AIG1: variants seen among roughly 807,000 people sequenced by gnomAD.
AIG1 encodes the protein androgen-induced gene 1 protein.
A neutral mutation model predicts 31.4 loss-of-function variants in AIG1; 23 were observed. The ratio of observed to expected loss-of-function variants is 0.73; its 90% confidence interval spans 0.53 to 1.04. The LOEUF (loss-of-function observed/expected upper bound fraction) is 1.04, where lower values mean the gene tolerates loss of function less well. Among genes scored for constraint, AIG1 ranks in the 50% least tolerant of loss-of-function variants. The pLI, the probability that AIG1 is intolerant of heterozygous loss-of-function variation, is 0.00. For synonymous variants in AIG1, 100 were observed against 110.5 expected (o/e 0.90, Z 0.60); for missense variants, 274 against 295.0 (o/e 0.93, Z 0.52).
chr6:143,342,049 C>T (rs1184760143), downstream of AIG1, among the ~76,000 whole-genome samples: 1 of 152,216 alleles, frequency 6.6e-6, no homozygotes, highest in Non-Finnish European at 1.5e-5. Flanking sequence ...CCTCAACCTC[C>T]CAAGTAGCTG....
intron 1 of AIG1, among the ~76,000 whole-genome samples, chr6:143,108,941 A>G (rs1211883497): frequency 2.0e-5 from 3 of 152,130 alleles, no homozygotes; most frequent in African/African-American, 7.2e-5. Context: ...AACATATCAA[A>G]CATCACCAAT....
chr6:143,191,160 C>T (rs926284519), intron 3 of AIG1, among the ~76,000 whole-genome samples: 3 of 152,074 alleles, frequency 2.0e-5, no homozygotes, highest in Admixed American at 6.5e-5. Context: ...AAGAGACAAA[C>T]CTGAGTTAAT....
intron 3 of AIG1, among the ~76,000 whole-genome samples, chr6:143,261,839 A>G (rs1795799978): frequency 6.6e-6 from 1 of 152,244 alleles, no homozygotes; most frequent in Non-Finnish European, 1.5e-5. Flanking sequence ...CTTTGCAGTG[A>G]TTTAGGGAAC....
chr6:143,187,785 C>T, intron 3 of AIG1: 1 of 1,505,756 alleles, frequency 6.6e-7, no homozygotes, highest in Non-Finnish European at 8.8e-7. Context: ...TTGGAAATGA[C>T]CTTGAAGCGA....
chr6:143,064,127 A>G (rs1259009055), intron 1 of AIG1, among the ~76,000 whole-genome samples: 1 of 152,260 alleles, frequency 6.6e-6, no homozygotes, highest in African/African-American at 2.4e-5. Context: ...TTCTCATGCC[A>G]GGAACCTGTG....
chr6:143,146,200 A>G (rs944459692), intron 2 of AIG1, among the ~76,000 whole-genome samples: 6 of 151,460 alleles, frequency 4.0e-5, no homozygotes, highest in African/African-American at 9.7e-5. Context: ...CTCTCTGGGG[A>G]AAAAAAAATC....
chr6:143,135,678 G>A (rs943532218), intron 1 of AIG1, among the ~76,000 whole-genome samples: 2 of 152,150 alleles, frequency 1.3e-5, no homozygotes, highest in Non-Finnish European at 2.9e-5. Flanking sequence ...CTGTGTTCTA[G>A]TGCTATGCTA....
chr6:143,247,010 C>T (rs1794664236), intron 3 of AIG1, among the ~76,000 whole-genome samples: 1 of 152,188 alleles, frequency 6.6e-6, no homozygotes, highest in South Asian at 2.1e-4. Context: ...CTGGAAGGGG[C>T]TCAGATGTGC....
At position 143,333,218 on chromosome 6, in the gene AIG1, A is replaced by G. The variant is rs1777216729; in HGVS notation, c.516-64A>G. 3 of 1,469,654 alleles carry G rather than the reference A, an allele frequency of 2.0e-6. No individual in the cohort carries two copies. The highest frequency in any genetic ancestry group is 2.7e-6 in the Non-Finnish European group (3 of 1,100,142). The allele number at this position is 1,469,654 out of a possible 1,614,324, so 91.0% of individuals were successfully genotyped here. A position where few individuals can be genotyped will look rare whatever the true frequency, so the allele number is the denominator to read the frequency against. On this transcript the variant is annotated intron_variant, in intron 4 of 5. Coordinates refer to ENST00000357847, the MANE Select transcript of AIG1 (RefSeq NM_016108.4). The surrounding 1 kb of genome is among the most constrained non-coding windows in gnomAD (Gnocchi z 4.6). ...GTGAGGGAGTGTATATTTGCATCAT[A>G]GCAGCTTTGATGCCTGCCATAAGAG...
At chr6:143,312,057 G>A (rs907786758) in intron 4 of AIG1, among the ~76,000 whole-genome samples, 1 of 151,872 alleles carries the variant, frequency 6.6e-6, no homozygotes. Context: ...AGAAATCAAA[G>A]AGGACACACA....
At chr6:143,152,034 T>C (rs1399791946) in intron 2 of AIG1, among the ~76,000 whole-genome samples, 3 of 152,234 alleles carry the variant, frequency 2.0e-5, no homozygotes, top group African/African-American at 4.8e-5. Flanking sequence ...ATTTTTCTTC[T>C]GTTAACATAT....
chr6:143,167,541 A>G (rs1787081378), intron 3 of AIG1, among the ~76,000 whole-genome samples: 1 of 152,224 alleles, frequency 6.6e-6, no homozygotes, highest in Non-Finnish European at 1.5e-5. Context: ...TTCATGCCAG[A>G]GAATGAATCA....
At chr6:143,109,380 G>A (rs774653785) in intron 1 of AIG1, among the ~76,000 whole-genome samples, 10 of 152,214 alleles carry the variant, frequency 6.6e-5, no homozygotes, top group South Asian at 4.1e-4. Flanking sequence ...CATTTCTGGC[G>A]AGGAAGAGAC....
rs144156438 is a variant in AIG1, at chr6:143,176,718, C to G, written c.399+11535C>G. On this transcript the variant is annotated intron_variant, in intron 3 of 5. Transcript: ENST00000357847. Reference sequence around the variant, plus strand: ...GCTCCCACCTCCCACCATGCCACCCCCAACAGCACACAGTTTATTTCCAGG... The same window carrying G: ...GCTCCCACCTCCCACCATGCCACCCGCAACAGCACACAGTTTATTTCCAGG... 1.8e-4 allele frequency among the ~76,000 whole-genome samples: 27 copies of G among 152,388 alleles called. No individual in the cohort carries two copies. In the East Asian group the frequency reaches 3.9e-3, roughly 22 times the overall value.
At chr6:143,243,855 A>G (rs1008824637) in intron 3 of AIG1, among the ~76,000 whole-genome samples, 8 of 152,302 alleles carry the variant, frequency 5.3e-5, no homozygotes, top group Non-Finnish European at 7.4e-5. Flanking sequence ...TGTGGCACTC[A>G]TACCTCATCT....
At chr6:143,323,488 T>A (rs1187914577) in intron 4 of AIG1, among the ~76,000 whole-genome samples, 2 of 152,238 alleles carry the variant, frequency 1.3e-5, no homozygotes, top group South Asian at 4.1e-4. Flanking sequence ...ACCCACTGTA[T>A]ATCAAAAATG....
intron 3 of AIG1, among the ~76,000 whole-genome samples, chr6:143,184,912 T>C (rs1443395964): frequency 1.3e-5 from 2 of 152,048 alleles, no homozygotes; most frequent in Non-Finnish European, 2.9e-5. Context: ...AAATATTCAA[T>C]CTCGGCTGAG....
intron 1 of AIG1, among the ~76,000 whole-genome samples, chr6:143,078,583 G>A (rs933749882): frequency 2.6e-5 from 4 of 152,270 alleles, no homozygotes; most frequent in Admixed American, 2.6e-4. Flanking sequence ...AATCGTGGTG[G>A]AAGGCAAAAG....
intron 3 of AIG1, among the ~76,000 whole-genome samples, chr6:143,269,873 G>A (rs1210937935): frequency 6.6e-6 from 1 of 152,190 alleles, no homozygotes; most frequent in African/African-American, 2.4e-5. Flanking sequence ...TTTCGAAGCT[G>A]TTTTTGATCC....
Sources: gnomAD v4.1 joint callset for allele counts (sites outside exome capture counted in the v4.1 genomes callset) on GRCh38, gnomAD v4.1.1 for gene constraint, Gnocchi (gnomAD v3.1) non-coding constraint, MANE v1.5 for transcripts, NCBI Gene and HGNC (gene_info 2026-07-23, HGNC 2026-07-21) for gene names.